PPARGC1A: variants seen among roughly 807,000 people sequenced by gnomAD.
The protein encoded by PPARGC1A is peroxisome proliferator-activated receptor gamma coactivator 1-alpha.
PPARGC1A carries 25 observed loss-of-function variants against 88.7 expected under a neutral mutation model. The observed-to-expected ratio is 0.28, with a 90% CI of 0.21 to 0.39. The LOEUF is 0.39. PPARGC1A is among the 10% of genes least tolerant of loss of function. PPARGC1A has a pLI of 1.00. For missense variants in PPARGC1A, 880 were observed against 968.7 expected (o/e 0.91, Z 1.22); for synonymous variants, 363 against 355.6 (o/e 1.02, Z -0.24).
the PPARGC1A span, among the ~76,000 whole-genome samples, chr4:24,138,672 AGAG>A: frequency 4.6e-5 from 7 of 152,282 alleles, no homozygotes; most frequent in Non-Finnish European, 8.8e-5. Context: ...GTTAAGCAAG[AGAG>A]GAGAACTGTC....
At chr4:23,810,981 T>C (rs934700626) in intron 10 of PPARGC1A, among the ~76,000 whole-genome samples, 1 of 152,226 alleles carries the variant, frequency 6.6e-6, no homozygotes, top group Admixed American at 6.5e-5. Flanking sequence ...TGTTAACTAA[T>C]GACACTTTGG....
chr4:24,040,892 A>G, the PPARGC1A span, among the ~76,000 whole-genome samples: 2 of 152,298 alleles, frequency 1.3e-5, no homozygotes, highest in African/African-American at 4.8e-5. Flanking sequence ...TGATTCTCTC[A>G]TGTTCACCGG....
chr4:24,031,324 G>C, the PPARGC1A span, among the ~76,000 whole-genome samples: 12 of 152,262 alleles, frequency 7.9e-5, no homozygotes, highest in African/African-American at 2.6e-4. Flanking sequence ...TATGCTCTCT[G>C]CTCTGAGGTA....
chr4:23,870,231 C>T (rs139019294), intron 2 of PPARGC1A, among the ~76,000 whole-genome samples: 14 of 152,310 alleles, frequency 9.2e-5, no homozygotes, highest in African/African-American at 3.4e-4. Context: ...ACTTAACTTG[C>T]TTAAGCACCA....
the PPARGC1A span, among the ~76,000 whole-genome samples, chr4:24,235,426 A>G: frequency 1.3e-5 from 2 of 152,222 alleles, no homozygotes; most frequent in Admixed American, 6.5e-5. Context: ...CCCAGCCACC[A>G]CATGAGAATT....
chr4:24,262,197 C>A, the PPARGC1A span, among the ~76,000 whole-genome samples: 1 of 151,722 alleles, frequency 6.6e-6, no homozygotes, highest in Non-Finnish European at 1.5e-5. Context: ...CCGTGGTAAT[C>A]CAATCAGGGC....
chr4:24,172,489 A>T, the PPARGC1A span, among the ~76,000 whole-genome samples: 1 of 152,234 alleles, frequency 6.6e-6, no homozygotes, highest in Non-Finnish European at 1.5e-5. Flanking sequence ...AGGAAGATCA[A>T]AATGAGAGCT....
At chr4:24,009,078 T>C in the PPARGC1A span, among the ~76,000 whole-genome samples, 1 of 137,652 alleles carries the variant, frequency 7.3e-6, no homozygotes, top group Non-Finnish European at 1.5e-5. Context: ...CATTAATTAT[T>C]ATGGTGGCAC....
the PPARGC1A span, among the ~76,000 whole-genome samples, chr4:23,947,975 C>A: frequency 6.6e-6 from 1 of 152,118 alleles, no homozygotes; most frequent in Non-Finnish European, 1.5e-5. Context: ...TTATGACAGT[C>A]CCTCAGGAAG....
At chr4:23,941,196 C>A in the PPARGC1A span, among the ~76,000 whole-genome samples, 8 of 152,088 alleles carry the variant, frequency 5.3e-5, no homozygotes, top group African/African-American at 1.9e-4. Flanking sequence ...GGCCTATAGG[C>A]GTGCAGCACA....
chr4:24,077,523 C>A, the PPARGC1A span, among the ~76,000 whole-genome samples: 160 of 151,386 alleles, frequency 1.1e-3, no homozygotes, highest in African/African-American at 3.8e-3. Flanking sequence ...CAATGTGATT[C>A]TCAATTCTTT....
At chr4:24,149,672 T>C in the PPARGC1A span, among the ~76,000 whole-genome samples, 1 of 152,302 alleles carries the variant, frequency 6.6e-6, no homozygotes, top group South Asian at 2.1e-4. Flanking sequence ...CAGATGTTCC[T>C]AAAATGGACT....
the PPARGC1A span, among the ~76,000 whole-genome samples, chr4:24,257,580 C>T: frequency 2.0e-5 from 3 of 152,168 alleles, no homozygotes; most frequent in African/African-American, 7.2e-5. Context: ...GCAGCCTTTG[C>T]CATTGCATGG....
the PPARGC1A span, among the ~76,000 whole-genome samples, chr4:24,152,967 T>C: frequency 8.5e-5 from 13 of 152,234 alleles, no homozygotes; most frequent in Non-Finnish European, 1.5e-4. Flanking sequence ...ATAATTAGCC[T>C]TGAGCTCAGA....
the PPARGC1A span, among the ~76,000 whole-genome samples, chr4:24,194,668 A>ACAC: frequency 8.2e-5 from 1 of 12,264 alleles, no homozygotes; most frequent in South Asian, 6.5e-3. Context: ...ACACACACAC[A>ACAC]CCCCCATCAA....
the PPARGC1A span, among the ~76,000 whole-genome samples, chr4:24,210,134 T>A: frequency 6.6e-6 from 1 of 152,198 alleles, no homozygotes; most frequent in South Asian, 2.1e-4. Flanking sequence ...GTTTGAGGAC[T>A]CTGAACAAGG....
chr4:23,807,555 T>G (rs1007651008), intron 10 of PPARGC1A, among the ~76,000 whole-genome samples: 1 of 152,186 alleles, frequency 6.6e-6, no homozygotes, highest in African/African-American at 2.4e-5. Context: ...AGAGTATGCA[T>G]AACTACTTTT....
At chr4:24,066,849 GTTTTTTTTTTT>G in the PPARGC1A span, among the ~76,000 whole-genome samples, 32 of 100,844 alleles carry the variant, frequency 3.2e-4, 1 homozygote, top group Admixed American at 1.7e-3. Flanking sequence ...TTTGTTTTGG[GTTTTTTTTTTT>G]TTTTTTTTTT....
chr4:24,150,185 C>G, the PPARGC1A span, among the ~76,000 whole-genome samples: 1 of 152,064 alleles, frequency 6.6e-6, no homozygotes, highest in Non-Finnish European at 1.5e-5. Flanking sequence ...ACACACCGGG[C>G]AGTGTTTTGT....
Sources: allele counts gnomAD v4.1 joint callset (sites outside exome capture counted in the v4.1 genomes callset), GRCh38; gene constraint gnomAD v4.1.1; transcripts MANE v1.5; gene names NCBI Gene and HGNC (gene_info 2026-07-23, HGNC 2026-07-21).